CYRIB: variants seen among roughly 807,000 people sequenced by gnomAD.
The protein encoded by CYRIB is CYFIP-related Rac1 interactor B.
Under a neutral mutation model 44.2 loss-of-function variants are expected in CYRIB, and 8 were observed. That is an observed-to-expected ratio of 0.18 (90% CI 0.11 to 0.33). CYRIB has a LOEUF of 0.33. Among genes scored for constraint, CYRIB ranks in the 10% least tolerant of loss-of-function variants. CYRIB has a pLI of 1.00. For missense variants in CYRIB, 185 were observed against 382.8 expected, an observed-to-expected ratio of 0.48 and a Z score of 4.31; for synonymous variants, 131 against 127.2, an observed-to-expected ratio of 1.03 and a Z score of -0.20.
At chr8:130,015,455 C>T (rs890900707) in intron 1 of CYRIB, among the ~76,000 whole-genome samples, 3 of 152,162 alleles carry the variant, frequency 2.0e-5, no homozygotes, top group Admixed American at 6.6e-5. Context: ...AAGCGACTTG[C>T]CCAAGGTCAC....
intron 2 of CYRIB, among the ~76,000 whole-genome samples, chr8:129,881,584 A>C (rs1419541223): frequency 1.3e-5 from 2 of 152,204 alleles, no homozygotes; most frequent in African/African-American, 4.8e-5. Context: ...TTAGAGGTCA[A>C]AGTCTGATGT....
At chr8:129,991,715 C>CTGGCT (rs2096637136) in intron 1 of CYRIB, among the ~76,000 whole-genome samples, 1 of 151,704 alleles carries the variant, frequency 6.6e-6, no homozygotes, top group Non-Finnish European at 1.5e-5. Flanking sequence ...TTTGGGAGGC[C>CTGGCT]GAGGCAGGCA....
chr8:129,875,890 G>C (rs901504673), intron 3 of CYRIB, among the ~76,000 whole-genome samples: 1 of 152,054 alleles, frequency 6.6e-6, no homozygotes, highest in African/African-American at 2.4e-5. Flanking sequence ...GAGGCAGGTG[G>C]ATCACCTGAG....
chr8:129,944,127 G>A (rs1390383666), upstream of CYRIB, among the ~76,000 whole-genome samples: 1 of 152,040 alleles, frequency 6.6e-6, no homozygotes. Flanking sequence ...CTAACCAAGG[G>A]AGACACATAA....
intron 2 of CYRIB, among the ~76,000 whole-genome samples, chr8:129,963,105 C>T (rs1033413252): frequency 1.3e-5 from 2 of 152,178 alleles, no homozygotes; most frequent in Non-Finnish European, 2.9e-5. Context: ...GGAACAGTGG[C>T]CTTTTTTTAC....
intron 2 of CYRIB, among the ~76,000 whole-genome samples, chr8:129,896,080 A>T (rs1270704879): frequency 6.6e-6 from 1 of 152,212 alleles, no homozygotes; most frequent in African/African-American, 2.4e-5. Flanking sequence ...TTTATAGGAA[A>T]GTTCTTCCAA....
intron 3 of CYRIB, 69 bp downstream of exon 5, chr8:129,879,320 T>C (rs111839667): frequency 9.8e-7 from 1 of 1,020,286 alleles, no homozygotes; most frequent in Non-Finnish European, 1.5e-6. Flanking sequence ...AGTGGAAACA[T>C]TCATTTAGTG....
At chr8:129,930,377 A>ATATATATATATATATATATATATT (rs1335592157) in intron 1 of CYRIB, among the ~76,000 whole-genome samples, 2 of 129,138 alleles carry the variant, frequency 1.5e-5, no homozygotes, top group African/African-American at 5.7e-5. Context: ...ATATATATAT[A>ATATATATATATATATATATATATT]TATTTTAATT....
At chr8:129,963,765 A>C (rs1296447960) in intron 2 of CYRIB, among the ~76,000 whole-genome samples, 1 of 152,266 alleles carries the variant, frequency 6.6e-6, no homozygotes, top group African/African-American at 2.4e-5. Flanking sequence ...TCAAGAGACC[A>C]GCAAAGTGCT....
intron 1 of CYRIB, among the ~76,000 whole-genome samples, chr8:129,987,933 T>G (rs1433081921): frequency 6.6e-6 from 1 of 152,172 alleles, no homozygotes. Flanking sequence ...GGGACGCAAG[T>G]CCCTTTAATA....
intron 1 of CYRIB, among the ~76,000 whole-genome samples, chr8:129,930,938 T>A (rs561324985): frequency 6.6e-6 from 1 of 152,132 alleles, no homozygotes; most frequent in Non-Finnish European, 1.5e-5. Flanking sequence ...GACTTCTCCA[T>A]ACTTTTGAAA....
intron 4 of CYRIB, among the ~76,000 whole-genome samples, chr8:129,869,340 C>T (rs141647827): frequency 0.021 from 2,924 of 142,508 alleles, 31 homozygotes; most frequent in Middle Eastern, 0.089. Context: ...GAGATTGTGC[C>T]ACTGCACTCC....
At chr8:129,980,000 C>A (rs1463421067) in intron 1 of CYRIB, among the ~76,000 whole-genome samples, 1 of 151,906 alleles carries the variant, frequency 6.6e-6, no homozygotes, top group African/African-American at 2.4e-5. Flanking sequence ...CTTCCAGAAC[C>A]AATTCTGATG....
At chr8:129,952,893 C>T in intron 2 of CYRIB, among the ~76,000 whole-genome samples, 1 of 152,178 alleles carries the variant, frequency 6.6e-6, no homozygotes, top group East Asian at 1.9e-4. Flanking sequence ...CCATTAACTG[C>T]CTCAATCCAC....
At chr8:129,931,997 CT>C (rs1235113746) in intron 1 of CYRIB, among the ~76,000 whole-genome samples, 609 of 129,412 alleles carry the variant, frequency 4.7e-3, no homozygotes, top group African/African-American at 5.1e-3. Flanking sequence ...TAAGTATCTT[CT>C]TTTTTTTTTT....
At chr8:129,864,935 C>T (rs1303907562) in intron 4 of CYRIB, 9 of 259,454 alleles carry the variant, frequency 3.5e-5, no homozygotes, top group South Asian at 2.2e-4. Context: ...CAGGGTGATG[C>T]GTGGGCTGAC....
intron 1 of CYRIB, among the ~76,000 whole-genome samples, chr8:130,006,452 A>AAAAATAAAATAAAATAAAAT (rs568957867): frequency 6.8e-6 from 1 of 146,358 alleles, no homozygotes; most frequent in Admixed American, 7.1e-5. Context: ...TCTCATCTCA[A>AAAAATAAAATAAAATAAAAT]AAAATAAAAT....
chr8:129,987,503 C>T (rs2096497109), intron 1 of CYRIB, among the ~76,000 whole-genome samples: 1 of 151,818 alleles, frequency 6.6e-6, no homozygotes, highest in Admixed American at 6.6e-5. Flanking sequence ...TTGTGGGCCC[C>T]GGACTACATT....
intron 1 of CYRIB, among the ~76,000 whole-genome samples, chr8:129,998,284 A>G (rs1352602992): frequency 6.6e-6 from 1 of 152,142 alleles, no homozygotes; most frequent in Non-Finnish European, 1.5e-5. Flanking sequence ...ACGTCCTTCC[A>G]AGTCGGTACC....
Sources: gnomAD v4.1 joint callset for allele counts (sites outside exome capture counted in the v4.1 genomes callset) on GRCh38, gnomAD v4.1.1 for gene constraint, MANE v1.5 for transcripts, NCBI Gene and HGNC (gene_info 2026-07-23, HGNC 2026-07-21) for gene names.